The following ADCY1 variants were observed in gnomAD, a reference collection of about 807,000 sequenced individuals.
ADCY1 encodes adenylate cyclase type 1.
A neutral mutation model predicts 105.4 loss-of-function variants in ADCY1; 28 were observed. The observed-to-expected ratio is 0.27, with a 90% CI of 0.20 to 0.36. The LOEUF is 0.36. Among genes scored for constraint, ADCY1 ranks in the 10% least tolerant of loss-of-function variants. ADCY1 has a pLI of 1.00. For missense variants in ADCY1, 977 were observed against 1,434.2 expected, an observed-to-expected ratio of 0.68 and a Z score of 5.15; for synonymous variants, 655 against 623.8, an observed-to-expected ratio of 1.05 and a Z score of -0.75.
intron 5 of ADCY1, among the ~76,000 whole-genome samples, chr7:45,653,040 C>T (rs77504534): frequency 0.014 from 2,153 of 152,248 alleles, 27 homozygotes; most frequent in South Asian, 0.06. Context: ...TGGAAATGCC[C>T]GTTAATTTTT....
intron 4 of ADCY1, among the ~76,000 whole-genome samples, chr7:45,632,547 G>A (rs998775409): frequency 4.9e-5 from 6 of 122,438 alleles, no homozygotes; most frequent in Non-Finnish European, 1.1e-4. Flanking sequence ...GAAATGTATA[G>A]TTTTCAGTGT....
chr7:45,667,664 A>G (rs2116150874), intron 8 of ADCY1, among the ~76,000 whole-genome samples: 1 of 152,324 alleles, frequency 6.6e-6, no homozygotes. Context: ...CAATTCTGTG[A>G]AGAAAGTCAT....
chr7:45,703,616 C>A lies in ADCY1; in HGVS notation c.2588C>A (p.Ser863Tyr), dbSNP rs1459626810. 1 of 1,612,622 alleles carries A rather than the reference C, an allele frequency of 6.2e-7. No individual in the cohort carries two copies. Among genetic ancestry groups the A allele is most frequent in the African/African-American group, 1.3e-5 (1 of 74,914 alleles). ...NPRNMDLYYQ[S>Y]YSQVGVMFAS... ...AACTTCCAGGACCTCTACTACCAGT[C>A]CTACTCCCAGGTGGGCGTCATGTTT... The change falls in exon 16 of 20, where the codon TCC becomes TAC. Residue 863 changes from serine (S) to tyrosine (Y), a missense_variant. Ser to Tyr is a moderately radical substitution (Grantham distance 144, BLOSUM62 -2). Coordinates refer to ENST00000297323, the MANE Select transcript of ADCY1 (RefSeq NM_021116.4). The surrounding 1 kb of genome is among the most constrained non-coding windows in gnomAD (Gnocchi z 5.9).
chr7:45,713,812 T>G lies in ADCY1; in HGVS notation c.3177T>G (p.Asp1059Glu). 1 of 780,950 alleles carries G rather than the reference T, an allele frequency of 1.3e-6. No individual in the cohort carries two copies. The highest frequency in any genetic ancestry group is 2.4e-6 in the Non-Finnish European group (1 of 418,140). 48.4% of individuals were successfully genotyped at this position (780,950 alleles called of 1,614,324 possible). A position where few individuals can be genotyped will look rare whatever the true frequency, so the allele number is the denominator to read the frequency against. ...MLTYFLEGRTDGNGSQIRSLG... is the reference protein window; with the variant it reads ...MLTYFLEGRTEGNGSQIRSLG... ...CATACTTTCTAGAAGGCAGGACTGA[T>G]GGAAACGGCTCCCAAATCAGGTCCC... The change falls in exon 20 of 20, where the codon GAT (aspartate) becomes GAG (glutamate). Residue 1059 changes from aspartate (D) to glutamate (E), a missense_variant. This residue lies in a region of ADCY1 where 78 missense variants were observed against 60.0 expected (regional missense o/e 1.30). Transcript: ENST00000297323.
chr7:45,683,800 G>A (rs961725041), intron 11 of ADCY1, among the ~76,000 whole-genome samples: 6 of 152,300 alleles, frequency 3.9e-5, no homozygotes, highest in African/African-American at 1.4e-4. Flanking sequence ...CAGGCCCAGC[G>A]GCAGGCCAAG....
At chr7:45,650,137 C>A (rs1794769577) in intron 5 of ADCY1, among the ~76,000 whole-genome samples, 1 of 152,158 alleles carries the variant, frequency 6.6e-6, no homozygotes, top group African/African-American at 2.4e-5. Flanking sequence ...TCATACATCA[C>A]CTTACATCAT....
chr7:45,685,462 A>G (rs1425585044), intron 12 of ADCY1, among the ~76,000 whole-genome samples: 1 of 151,546 alleles, frequency 6.6e-6, no homozygotes, highest in Non-Finnish European at 1.5e-5. Context: ...AGTGGGAGTA[A>G]CAGGATAGAA....
intron 4 of ADCY1, among the ~76,000 whole-genome samples, chr7:45,630,253 T>A (rs1175703843): frequency 6.6e-6 from 1 of 152,138 alleles, no homozygotes; most frequent in East Asian, 1.9e-4. Flanking sequence ...GAGCAGAAAG[T>A]TTTAGTGTTT....
At chr7:45,700,934 C>G (rs1784984539) in intron 14 of ADCY1, among the ~76,000 whole-genome samples, 1 of 152,214 alleles carries the variant, frequency 6.6e-6, no homozygotes. Flanking sequence ...TTCCAAATGA[C>G]AAGCCCTCCA....
chr7:45,703,960 A>G lies in ADCY1; in HGVS notation c.2718+214A>G, dbSNP rs1785055034. On this transcript the variant is annotated intron_variant, in intron 16 of 19. Coordinates refer to ENST00000297323, the MANE Select transcript of ADCY1 (RefSeq NM_021116.4). The surrounding 1 kb of genome is among the most constrained non-coding windows in gnomAD (Gnocchi z 5.9). ...GACTCTAGGTTGGGGGACCAGGGCC[A>G]CTGGGTGGGGCTGGGTGTTTGTTGT... Among the ~76,000 whole-genome samples the G allele has an allele frequency of 1.3e-5, 2 of 152,220 alleles. No homozygotes were observed. Among genetic ancestry groups the G allele is most frequent in the Admixed American group, 1.3e-4 (2 of 15,284 alleles).
chr7:45,629,192 T>C (rs1794156203), intron 4 of ADCY1, among the ~76,000 whole-genome samples: 1 of 152,242 alleles, frequency 6.6e-6, no homozygotes, highest in African/African-American at 2.4e-5. Flanking sequence ...ACCTTATATA[T>C]ATGGAACAAA....
At chr7:45,707,086 A>G (rs1173294280) in intron 17 of ADCY1, among the ~76,000 whole-genome samples, 1 of 152,046 alleles carries the variant, frequency 6.6e-6, no homozygotes, top group Non-Finnish European at 1.5e-5. Flanking sequence ...AGCAACAGAA[A>G]CTCTCCTTCA....
At chr7:45,607,490 T>C (rs940468017) in intron 2 of ADCY1, among the ~76,000 whole-genome samples, 4 of 152,214 alleles carry the variant, frequency 2.6e-5, no homozygotes, top group African/African-American at 7.2e-5. Context: ...TGCAGGTTTG[T>C]TACGTTGATA....
chr7:45,707,747 CTG>C (rs1053498209), intron 17 of ADCY1, among the ~76,000 whole-genome samples: 1 of 152,158 alleles, frequency 6.6e-6, no homozygotes, highest in Admixed American at 6.5e-5. Context: ...ATAGGCGAAA[CTG>C]TGGGGAGAAG....
chr7:45,696,876 C>T (rs981600662), intron 14 of ADCY1, among the ~76,000 whole-genome samples: 3 of 152,102 alleles, frequency 2.0e-5, no homozygotes, highest in African/African-American at 4.8e-5. Flanking sequence ...AGAGGAGACT[C>T]GAGGAGTGTG....
At chr7:45,622,094 C>T (rs543615855) in intron 3 of ADCY1, among the ~76,000 whole-genome samples, 4 of 152,334 alleles carry the variant, frequency 2.6e-5, no homozygotes, top group Non-Finnish European at 5.9e-5. Flanking sequence ...GTGTTTCCTG[C>T]TCTCATTGCA....
intron 2 of ADCY1, among the ~76,000 whole-genome samples, chr7:45,608,391 TG>T (rs1171824741): frequency 6.6e-6 from 1 of 152,228 alleles, no homozygotes; most frequent in Non-Finnish European, 1.5e-5. Flanking sequence ...TCTAGCTGCA[TG>T]GGAGGCTGGA....
chr7:45,686,604 C>T lies in ADCY1; in HGVS notation c.2385C>T (p.Ser795=). ...CGATTGTGGCCATCCTGCTCTTCTC[C>T]TGTGCGCTGGCCCTGCATGCCAGGC... The part of the protein sequence containing the change: ...YEPIVAILLF[S]CALALHARQV... The change falls in exon 14 of 20, where the codon TCC becomes TCT. Residue 795 remains serine (S), a synonymous_variant. Transcript: ENST00000297323. This position sits in a 1 kb window ranked among gnomAD's most constrained non-coding sequence, Gnocchi z 4.3. 6.2e-7 allele frequency: 1 copy of T among 1,613,774 alleles called. No homozygotes were observed. The highest frequency in any genetic ancestry group is 1.1e-5 in the South Asian group (1 of 91,068).
chr7:45,677,685 A>G (rs576675308), intron 8 of ADCY1, among the ~76,000 whole-genome samples, 184 bp from the exon 9 acceptor site: 15 of 152,308 alleles, frequency 9.8e-5, no homozygotes, highest in African/African-American at 3.6e-4. Context: ...GAACCCCAAC[A>G]CTGGCTGCTG....
Sources: allele counts gnomAD v4.1 joint callset (sites outside exome capture counted in the v4.1 genomes callset), GRCh38; gene constraint gnomAD v4.1.1; regional missense constraint gnomAD v4.1.1; non-coding constraint Gnocchi (gnomAD v3.1); transcripts MANE v1.5; gene names NCBI Gene and HGNC (gene_info 2026-07-23, HGNC 2026-07-21).